The following STPG2 variants were observed in gnomAD, a reference collection of about 807,000 sequenced individuals.
The protein encoded by STPG2 is sperm tail PG-rich repeat containing 2.
STPG2 carries 56 observed loss-of-function variants against 54.2 expected under a neutral mutation model. That is an observed-to-expected ratio of 1.03 (90% CI 0.83 to 1.29). The LOEUF is 1.29. Ranked by LOEUF, STPG2 falls within the 50% of genes most tolerant of loss-of-function variation. The probability of loss-of-function intolerance (pLI) is 0.00; values close to 1 mark genes in which losing one functional copy is unlikely to be tolerated. For synonymous variants in STPG2, 200 were observed against 181.8 expected, an observed-to-expected ratio of 1.10 and a Z score of -0.81; for missense variants, 596 against 544.9, an observed-to-expected ratio of 1.09 and a Z score of -0.93.
At chr4:97,877,389 T>C (rs1730216596) in intron 8 of STPG2, among the ~76,000 whole-genome samples, 1 of 152,120 alleles carries the variant, frequency 6.6e-6, no homozygotes, top group Non-Finnish European at 1.5e-5. Context: ...AATAATGTAT[T>C]AGTTCACTTT....
At chr4:98,129,442 A>G (rs1739921323) in intron 2 of STPG2, among the ~76,000 whole-genome samples, 1 of 151,672 alleles carries the variant, frequency 6.6e-6, no homozygotes, top group Non-Finnish European at 1.5e-5. Context: ...AAATGGAAAT[A>G]GCAAAATATA....
intron 10 of STPG2, among the ~76,000 whole-genome samples, chr4:97,577,081 A>C (rs1295763263): frequency 6.6e-6 from 1 of 152,068 alleles, no homozygotes; most frequent in Non-Finnish European, 1.5e-5. Context: ...ACTAAAAAGT[A>C]AAAAAATAAC....
chr4:97,659,750 T>C (rs1424372392), intron 10 of STPG2, among the ~76,000 whole-genome samples: 1 of 152,210 alleles, frequency 6.6e-6, no homozygotes, highest in Non-Finnish European at 1.5e-5. Context: ...AACTCCCTTT[T>C]TGTTACATAA....
At chr4:98,035,989 A>G (rs1356088435) in intron 5 of STPG2, among the ~76,000 whole-genome samples, 2 of 152,126 alleles carry the variant, frequency 1.3e-5, no homozygotes, top group Admixed American at 6.6e-5. Context: ...AGAAATACCT[A>G]ATGTAGATGA....
At chr4:97,966,971 C>T (rs1578740047) in intron 7 of STPG2, among the ~76,000 whole-genome samples, 1 of 152,080 alleles carries the variant, frequency 6.6e-6, no homozygotes, top group South Asian at 2.1e-4. Flanking sequence ...AAATAACCAG[C>T]TAACATCATA....
At chr4:97,465,943 A>G (rs1004199134) in intron 4 of STPG2, among the ~76,000 whole-genome samples, 35 of 151,920 alleles carry the variant, frequency 2.3e-4, no homozygotes, top group African/African-American at 8.2e-4. Context: ...TCTTCCTTAC[A>G]GTGGTTTGTA....
chr4:98,036,523 G>A (rs1054268361), intron 5 of STPG2, among the ~76,000 whole-genome samples: 1 of 151,964 alleles, frequency 6.6e-6, no homozygotes, highest in Admixed American at 6.6e-5. Context: ...GGATGGAGCA[G>A]GAGGTCATTA....
At chr4:98,019,500 G>A (rs1467589866) in intron 5 of STPG2, among the ~76,000 whole-genome samples, 4 of 151,780 alleles carry the variant, frequency 2.6e-5, no homozygotes, top group Non-Finnish European at 5.9e-5. Flanking sequence ...GGCGATGCGG[G>A]CTCTTTTTTG....
intron 8 of STPG2, among the ~76,000 whole-genome samples, chr4:97,934,205 T>C (rs1256172744): frequency 6.6e-6 from 1 of 152,220 alleles, no homozygotes; most frequent in Non-Finnish European, 1.5e-5. Flanking sequence ...TTTTTGCACA[T>C]TGATTTTGTA....
chr4:97,518,736 A>T (rs1302450672), intron 4 of STPG2, among the ~76,000 whole-genome samples: 1 of 152,118 alleles, frequency 6.6e-6, no homozygotes, highest in Non-Finnish European at 1.5e-5. Context: ...TAAATGAACA[A>T]AAGTCCTCCA....
intron 8 of STPG2, among the ~76,000 whole-genome samples, chr4:97,861,283 T>C (rs183207506): frequency 6.6e-6 from 1 of 152,130 alleles, no homozygotes; most frequent in Non-Finnish European, 1.5e-5. Flanking sequence ...AATAAAAAAC[T>C]ATAATGAGAT....
At chr4:97,490,251 C>T (rs1730474662) in intron 4 of STPG2, 1 of 151,304 alleles carries the variant, frequency 6.6e-6, no homozygotes, top group Non-Finnish European at 1.5e-5. Context: ...CTGATTTCCA[C>T]ATTTTCCACC....
chr4:97,635,860 A>AT (rs964442632), intron 10 of STPG2, among the ~76,000 whole-genome samples: 7 of 152,016 alleles, frequency 4.6e-5, no homozygotes, highest in African/African-American at 1.7e-4. Flanking sequence ...AGTGACCGAC[A>AT]AAGAGACTTA....
intron 9 of STPG2, among the ~76,000 whole-genome samples, chr4:97,796,179 C>G (rs940523899): frequency 5.3e-5 from 8 of 152,060 alleles, no homozygotes; most frequent in African/African-American, 1.9e-4. Context: ...TAGTTTCTTT[C>G]ACTGTGCAGA....
chr4:97,475,767 G>A (rs1730054885), intron 4 of STPG2, among the ~76,000 whole-genome samples: 2 of 151,964 alleles, frequency 1.3e-5, no homozygotes, highest in South Asian at 4.1e-4. Context: ...TTGAACAGAG[G>A]CTTTTTCTTC....
At chr4:98,111,463 A>G (rs1346335750) in intron 3 of STPG2, among the ~76,000 whole-genome samples, 1 of 152,122 alleles carries the variant, frequency 6.6e-6, no homozygotes, top group Non-Finnish European at 1.5e-5. Context: ...TTAGAGAGGC[A>G]CCACTCCAGA....
chr4:97,528,471 T>G (rs182326212), intron 4 of STPG2, among the ~76,000 whole-genome samples: 12 of 152,332 alleles, frequency 7.9e-5, no homozygotes, highest in Non-Finnish European at 1.5e-5. Flanking sequence ...TAGGATTGTC[T>G]TGGCTATAAG....
intron 2 of STPG2, among the ~76,000 whole-genome samples, chr4:98,133,896 T>C (rs1740066260): frequency 6.6e-6 from 1 of 152,000 alleles, no homozygotes; most frequent in Non-Finnish European, 1.5e-5. Flanking sequence ...TAAACATGAA[T>C]GAACCATTGA....
chr4:97,654,600 ATT>A (rs771901211), intron 10 of STPG2, among the ~76,000 whole-genome samples: 1 of 152,158 alleles, frequency 6.6e-6, no homozygotes, highest in East Asian at 1.9e-4. Context: ...TCACTCATTT[ATT>A]TTGTTTATTA....
Sources: gnomAD v4.1 joint callset for allele counts (sites outside exome capture counted in the v4.1 genomes callset) on GRCh38, gnomAD v4.1.1 for gene constraint, MANE v1.5 for transcripts, NCBI Gene and HGNC (gene_info 2026-07-23, HGNC 2026-07-21) for gene names.